The following WHRN variants were observed in gnomAD, a reference collection of about 807,000 sequenced individuals.
The protein encoded by WHRN is whirlin.
In WHRN, 41 loss-of-function variants were observed where a neutral mutation model predicts 68.3. That is an observed-to-expected ratio of 0.60 (90% CI 0.47 to 0.78). The LOEUF is 0.78. Ranked by LOEUF, WHRN falls within the 30% of genes least tolerant of loss-of-function variation. WHRN has a pLI of 0.00. For missense variants in WHRN, 1,243 were observed against 1,244.7 expected, an observed-to-expected ratio of 1.00 and a Z score of 0.02; for synonymous variants, 560 against 561.3, an observed-to-expected ratio of 1.00 and a Z score of 0.03.
intron 3 of WHRN, among the ~76,000 whole-genome samples, chr9:114,460,720 C>T (rs1010685527): frequency 3.3e-5 from 5 of 152,230 alleles, no homozygotes; most frequent in Non-Finnish European, 7.3e-5. Flanking sequence ...TGACATCCCC[C>T]GCCCCAGACT....
intron 11 of WHRN, 99 bp downstream of exon 11, chr9:114,403,118 G>A: frequency 1.3e-6 from 2 of 1,580,454 alleles, no homozygotes; most frequent in Non-Finnish European, 1.7e-6. Context: ...CTGCCCTTGA[G>A]TGCCGTGTTA....
intron 6 of WHRN, among the ~76,000 whole-genome samples, chr9:114,424,096 T>C (rs1419825452): frequency 2.0e-5 from 3 of 152,276 alleles, no homozygotes; most frequent in South Asian, 2.1e-4. Flanking sequence ...GGTGATTCTG[T>C]GCACTCAGCG....
chr9:114,478,821 T>TTCCTCCACACCCCC, intron 1 of WHRN, 50 bp from the exon 2 acceptor site: 1 of 1,553,830 alleles, frequency 6.4e-7, no homozygotes, highest in Non-Finnish European at 8.7e-7. Flanking sequence ...GCCGGGGGTG[T>TTCCTCCACACCCCC]GGAGGAACAC....
intron 3 of WHRN, among the ~76,000 whole-genome samples, chr9:114,455,469 C>T (rs1839701533): frequency 6.6e-6 from 1 of 152,146 alleles, no homozygotes; most frequent in Non-Finnish European, 1.5e-5. Flanking sequence ...GCCTGTAATC[C>T]CAGCACTTTG....
chr9:114,456,932 A>G (rs1435899504), intron 3 of WHRN, among the ~76,000 whole-genome samples: 2 of 152,192 alleles, frequency 1.3e-5, no homozygotes, highest in Non-Finnish European at 2.9e-5. Flanking sequence ...TACTCTGGGA[A>G]AAAGCTATAA....
intron 5 of WHRN, among the ~76,000 whole-genome samples, chr9:114,424,771 C>G (rs953907883): frequency 6.6e-6 from 1 of 152,142 alleles, no homozygotes; most frequent in African/African-American, 2.4e-5. Context: ...AGGGCAGGGA[C>G]CTGGTCTGCT....
At chr9:114,437,315 A>G (rs1018074772) in intron 3 of WHRN, among the ~76,000 whole-genome samples, 1 of 152,258 alleles carries the variant, frequency 6.6e-6, no homozygotes, top group Non-Finnish European at 1.5e-5. Flanking sequence ...GAAAAAATAG[A>G]TAAGTTCATC....
chr9:114,455,447 A>G (rs867966765), intron 3 of WHRN, among the ~76,000 whole-genome samples: 2 of 152,342 alleles, frequency 1.3e-5, no homozygotes, highest in African/African-American at 4.8e-5. Context: ...CCAGCCAGGC[A>G]TAGTGGCTCA....
chr9:114,472,157 C>T (rs1841280508), intron 2 of WHRN, among the ~76,000 whole-genome samples: 1 of 152,214 alleles, frequency 6.6e-6, no homozygotes, highest in Admixed American at 6.5e-5. Context: ...TGCGTGGGCT[C>T]CCAACTTCCA....
chr9:114,437,906 A>C (rs1034456051), intron 3 of WHRN, among the ~76,000 whole-genome samples: 1 of 152,250 alleles, frequency 6.6e-6, no homozygotes, highest in African/African-American at 2.4e-5. Context: ...TAAGTTTTAG[A>C]GGAAAAAAGA....
chr9:114,413,520 G>A (rs1229208823), intron 7 of WHRN, among the ~76,000 whole-genome samples: 4 of 152,186 alleles, frequency 2.6e-5, no homozygotes, highest in African/African-American at 4.8e-5. Context: ...CAAGACCCTG[G>A]AAGTGTCAGT....
intron 3 of WHRN, among the ~76,000 whole-genome samples, chr9:114,427,859 C>G (rs1026175138): frequency 2.0e-5 from 3 of 152,194 alleles, no homozygotes; most frequent in Non-Finnish European, 2.9e-5. Flanking sequence ...GCATTCACCA[C>G]CATTTACTGC....
chr9:114,403,890 G>A lies in WHRN; in HGVS notation c.2418+6C>T. 2 of 1,609,970 alleles carry A rather than the reference G, an allele frequency of 1.2e-6. No homozygotes were observed. ...AGCCCTCTGCATCCTCCTCCTCCTG[G>A]CTCACCGGTTTGTTGGCCCCATCTG... is the stretch of plus-strand genomic sequence containing the variant. On this transcript the variant is annotated splice_donor_region_variant and intron_variant, in intron 10 of 11. Transcript: ENST00000362057.
intron 7 of WHRN, 109 bp downstream of exon 7, chr9:114,423,205 G>A: frequency 8.6e-7 from 1 of 1,161,142 alleles, no homozygotes; most frequent in South Asian, 1.2e-5. Flanking sequence ...AAGGCACACA[G>A]CTGGTAAGTG....
Position 114,504,730 on chromosome 9 carries a change from C to A in WHRN, c.72G>T (p.Ala24=). Reference sequence around the variant, plus strand: ...GCAGCCCCGCGCCCCCGCCGCCGCCCGCCCCGGCCGCCGAGCCCAGCGAGC... The same window carrying A: ...GCAGCCCCGCGCCCCCGCCGCCGCCAGCCCCGGCCGCCGAGCCCAGCGAGC... ...STGSLGSAAG[A]GGGGGAGLRL... Residue 24 remains alanine (A), a synonymous_variant, in exon 1 of 12, where the codon GCG becomes GCT. Coordinates refer to ENST00000362057, the MANE Select transcript of WHRN (RefSeq NM_015404.4). 4 of 1,507,246 alleles carry A rather than the reference C, an allele frequency of 2.7e-6. No individual in the cohort carries two copies. The highest frequency in any genetic ancestry group is 3.5e-6 in the Non-Finnish European group (4 of 1,137,600). The allele number at this position is 1,507,246 out of a possible 1,614,324, so 93.4% of individuals were successfully genotyped here.
rs766286407 is a variant in WHRN at position 114,404,064 on chromosome 9, G to C, written c.2250C>G (p.Leu750=). The C allele has an allele frequency of 6.2e-7, 1 of 1,613,014 alleles. No homozygotes were observed. Among genetic ancestry groups the C allele is most frequent in the Non-Finnish European group, 8.5e-7 (1 of 1,180,028 alleles). Residue 750 remains leucine, a synonymous_variant, in exon 10 of 12, where the codon CTC becomes CTG. Transcript: ENST00000362057. ...TCTGCCCGCTGTCCGAGAGCTGGGA[G>C]AGCGTAGAGGCTGCTGGAGAGGGGA... The part of the protein sequence containing the change: ...ALPQTRTAST[L]SQLSDSGQTL...
rs1340269061 is a variant in WHRN at position 114,407,988 on chromosome 9, C to A, written c.1657G>T (p.Ala553Ser). 2 of 1,604,608 alleles carry A rather than the reference C, an allele frequency of 1.2e-6. No individual in the cohort carries two copies. The highest frequency in any genetic ancestry group is 2.2e-5 in the East Asian group (1 of 44,610). Residue 553 changes from alanine (A) to serine (S), a missense_variant, in exon 8 of 12, where the codon GCT becomes TCT. Coordinates refer to ENST00000362057, the MANE Select transcript of WHRN (RefSeq NM_015404.4). ...AGGGCGTTGATATTGCCCTGGACAG[C>A]CTCGCCAGTTTCCTCCAGGTCCAGA... Reference protein sequence around the residue: ...NTLDLEETGEAVQGNINALPD... With the variant: ...NTLDLEETGESVQGNINALPD...
intron 7 of WHRN, among the ~76,000 whole-genome samples, chr9:114,419,124 G>A (rs1003125600): frequency 1.1e-4 from 16 of 152,182 alleles, no homozygotes; most frequent in African/African-American, 2.7e-4. Flanking sequence ...GATGGCAGGG[G>A]TAACAACAGA....
chr9:114,492,972 G>A lies in WHRN; in HGVS notation c.618+11212C>T, dbSNP rs538948204. ...GTTGAGGCTGCAGTGAGCCAGGATC[G>A]CATCACAGCACTCCAGCCCGGGTGA... On this transcript the variant is annotated intron_variant, in intron 1 of 11. Transcript: ENST00000362057. Among the ~76,000 whole-genome samples the A allele has an allele frequency of 5.9e-5, 9 of 152,148 alleles. No individual in the cohort carries two copies. The South Asian group carries it at 8.3e-4, about 14-fold the overall frequency.
Sources: gnomAD v4.1 joint callset for allele counts (sites outside exome capture counted in the v4.1 genomes callset) on GRCh38, gnomAD v4.1.1 for gene constraint, MANE v1.5 for transcripts, NCBI Gene and HGNC (gene_info 2026-07-23, HGNC 2026-07-21) for gene names.